The following GABRA2 variants were observed in gnomAD, a reference collection of about 807,000 sequenced individuals.
The protein encoded by GABRA2 is gamma-aminobutyric acid type A receptor subunit alpha2.
GABRA2 carries 16 observed loss-of-function variants against 48.7 expected under a neutral mutation model. The observed-to-expected ratio is 0.33, with a 90% CI of 0.22 to 0.50. GABRA2 has a LOEUF of 0.50. GABRA2 is among the 20% of genes least tolerant of loss of function. The probability of loss-of-function intolerance (pLI) is 0.98; values close to 1 mark genes in which losing one functional copy is unlikely to be tolerated. For missense variants in GABRA2, 275 were observed against 535.6 expected, an observed-to-expected ratio of 0.51 and a Z score of 4.80; for synonymous variants, 185 against 184.5, an observed-to-expected ratio of 1.00 and a Z score of -0.02.
intron 8 of GABRA2, among the ~76,000 whole-genome samples, chr4:46,289,917 T>A (rs185953518): frequency 0.014 from 1,994 of 144,688 alleles, 16 homozygotes; most frequent in Non-Finnish European, 0.02. Flanking sequence ...ATTTTTATTT[T>A]TTTTTTTTTT....
intron 9 of GABRA2, among the ~76,000 whole-genome samples, chr4:46,255,252 T>C (rs1189270643): frequency 6.8e-6 from 1 of 147,690 alleles, no homozygotes; most frequent in African/African-American, 2.5e-5. Flanking sequence ...ACGCTTACTA[T>C]GATAAAAATG....
intron 3 of GABRA2, among the ~76,000 whole-genome samples, chr4:46,374,779 C>G (rs911871179): frequency 6.6e-6 from 1 of 151,754 alleles, no homozygotes; most frequent in South Asian, 2.1e-4. Context: ...CGTTTTAAAT[C>G]AAATTATTAA....
chr4:46,389,637 G>T (rs960952227), intron 1 of GABRA2, 98 bp downstream of exon 1: 10 of 707,654 alleles, frequency 1.4e-5, no homozygotes, highest in Non-Finnish European at 1.7e-5. Context: ...CCGTTTCCAG[G>T]GAGCCTCTGA....
At chr4:46,375,874 TAGTA>T (rs1199127791) in intron 3 of GABRA2, among the ~76,000 whole-genome samples, 3 of 152,182 alleles carry the variant, frequency 2.0e-5, no homozygotes, top group African/African-American at 7.2e-5. Context: ...CCTAAGCCCT[TAGTA>T]AGAAACAGTT....
At chr4:46,372,380 T>G (rs1368273214) in intron 3 of GABRA2, among the ~76,000 whole-genome samples, 1 of 152,120 alleles carries the variant, frequency 6.6e-6, no homozygotes, top group Non-Finnish European at 1.5e-5. Context: ...TTCCACTCCT[T>G]CCTTTTGTTC....
intron 8 of GABRA2, among the ~76,000 whole-genome samples, chr4:46,273,232 CTTG>C (rs775859275): frequency 2.6e-5 from 4 of 151,504 alleles, no homozygotes; most frequent in African/African-American, 9.7e-5. Context: ...AGGCGTGATT[CTTG>C]TTGTTGTTTT....
Position 46,332,654 on chromosome 4 carries a change from G to T in GABRA2, c.216C>A (p.Ile72=), listed in dbSNP as rs1270027326. Residue 72 remains isoleucine, a synonymous_variant, in exon 4 of 10, where the codon ATC becomes ATA. Coordinates refer to ENST00000381620, the MANE Select transcript of GABRA2 (RefSeq NM_000807.4). ...AGACAGGGCCAAAACTGGTCACGTAGATGTTAGTGAAGACTTCAGTAATAC... is the reference window on the plus strand; with the variant it reads ...AGACAGGGCCAAAACTGGTCACGTATATGTTAGTGAAGACTTCAGTAATAC... ...GDSITEVFTN[I]YVTSFGPVSD... The T allele has an allele frequency of 1.3e-6, 2 of 1,595,204 alleles. No individual in the cohort carries two copies. Among genetic ancestry groups the T allele is most frequent in the Non-Finnish European group, 1.7e-6 (2 of 1,163,176 alleles).
intron 3 of GABRA2, among the ~76,000 whole-genome samples, chr4:46,348,093 C>T (rs898549792): frequency 2.6e-5 from 4 of 152,022 alleles, no homozygotes; most frequent in Non-Finnish European, 4.4e-5. Flanking sequence ...AAACAAACAA[C>T]CCCATCAAAA....
rs568813512 is a variant in GABRA2 at position 46,263,582 on chromosome 4, G to C, written c.857-1454C>G. On this transcript the variant is annotated intron_variant, in intron 8 of 9. Coordinates refer to ENST00000381620, the MANE Select transcript of GABRA2 (RefSeq NM_000807.4). The stretch of plus-strand genomic sequence containing the variant: ...TCTGTACTCCAAATTTTATACCCTT[G>C]ATATACATATCTATCCTTAGTCAAG... 3.9e-5 allele frequency among the ~76,000 whole-genome samples: 6 copies of C among 152,138 alleles called. No homozygotes were observed. The South Asian group carries it at 1.0e-3, about 26-fold the overall frequency.
intron 8 of GABRA2, among the ~76,000 whole-genome samples, chr4:46,284,772 T>C (rs1722204340): frequency 6.6e-6 from 1 of 152,050 alleles, no homozygotes; most frequent in South Asian, 2.1e-4. Flanking sequence ...ATCTGTCTTC[T>C]AGAGCATATT....
rs539208097 is a variant in GABRA2, at chr4:46,277,268, A to C, written c.857-15140T>G. On this transcript the variant is annotated intron_variant, in intron 8 of 9. Transcript: ENST00000381620. ...CACTTTCCTAATTGGCAGTGAGCTA[A>C]CTGGGATGAGACTCTGACAACAGCA... Among the ~76,000 whole-genome samples the C allele has an allele frequency of 3.9e-5, 6 of 152,154 alleles. No individual in the cohort carries two copies. In the South Asian group the frequency reaches 1.0e-3, roughly 26 times the overall value.
chr4:46,389,975 A>T lies in GABRA2; in HGVS notation c.-251T>A. On this transcript the variant is annotated 5_prime_UTR_variant, in exon 1 of 10. Coordinates refer to ENST00000381620, the MANE Select transcript of GABRA2 (RefSeq NM_000807.4). ...TGTAGAAGGAGGCGAAGGCGTTCGT[A>T]GTGGCGGTGATGGGCGGAGGAGGAG... is the stretch of plus-strand genomic sequence containing the variant. 1 of 980,270 alleles carries T rather than the reference A, an allele frequency of 1.0e-6. No individual in the cohort carries two copies. The highest frequency in any genetic ancestry group is 1.2e-6 in the Non-Finnish European group (1 of 830,314). The allele number at this position is 980,270 out of a possible 1,614,324, so 60.7% of individuals were successfully genotyped here. A position where few individuals can be genotyped will look rare whatever the true frequency, so the allele number is the denominator to read the frequency against.
In GABRA2 at chr4:46,252,611, G is replaced by A. The variant is rs549664839; in HGVS notation, c.1060-2007C>T. On this transcript the variant is annotated intron_variant, in intron 9 of 9. Transcript: ENST00000381620. ...TCTGCTTTTAAACACCATGCCATAT[G>A]ATTTTTGGTCTGAGGAAGCTGTTTG... Among the ~76,000 whole-genome samples the A allele has an allele frequency of 1.5e-4, 22 of 151,594 alleles. No homozygotes were observed. In the South Asian group the frequency reaches 3.5e-3, roughly 24 times the overall value.
rs536459997 is a variant in GABRA2, at chr4:46,293,475, C to T, written c.856+9985G>A. Among the ~76,000 whole-genome samples, 15 of 152,298 alleles carry T rather than the reference C, an allele frequency of 9.8e-5. No homozygotes were observed. The East Asian group carries it at 2.7e-3, about 27-fold the overall frequency. ...GACGTTGATTCCAGAGGATCCAAAA[C>T]GTCACTGTGGTCCTCCAGATAAAGT... On this transcript the variant is annotated intron_variant, in intron 8 of 9. Coordinates refer to ENST00000381620, the MANE Select transcript of GABRA2 (RefSeq NM_000807.4).
At chr4:46,368,972 C>T (rs777232254) in intron 3 of GABRA2, 2 of 699,868 alleles carry the variant, frequency 2.9e-6, no homozygotes, top group African/African-American at 1.8e-5. Context: ...CTCTTGAAGG[C>T]TATGTTACAC....
At chr4:46,355,724 G>T (rs1219068182) in intron 3 of GABRA2, among the ~76,000 whole-genome samples, 1 of 152,080 alleles carries the variant, frequency 6.6e-6, no homozygotes, top group Non-Finnish European at 1.5e-5. Context: ...ATCAGAGCTG[G>T]AGGAAAATAC....
At position 46,245,224 on chromosome 4, in the gene GABRA2, A is replaced by T. The variant is rs1381290516; in HGVS notation, c.*5084T>A. Among the ~76,000 whole-genome samples the T allele has an allele frequency of 2.6e-5, 4 of 151,196 alleles. No individual in the cohort carries two copies. The highest frequency in any genetic ancestry group is 5.9e-5 in the Non-Finnish European group (4 of 67,422). On this transcript the variant is annotated 3_prime_UTR_variant, in exon 10 of 10. Coordinates refer to ENST00000381620, the MANE Select transcript of GABRA2 (RefSeq NM_000807.4). ...GACTAGTATGTGATGGGCTCTCTGT[A>T]AGAATTATACTCTGAATCATTCCAA...
rs1733583250 is a variant in GABRA2, at chr4:46,343,169, C to T, written c.188-10487G>A. On this transcript the variant is annotated intron_variant, in intron 3 of 9. Transcript: ENST00000381620. Reference sequence around the variant, plus strand: ...CCTTACCTTGCCCTGTTTTTCCCCACTTTTTCCACAATAACATTAATTTTC... The same window carrying T: ...CCTTACCTTGCCCTGTTTTTCCCCATTTTTTCCACAATAACATTAATTTTC... Among the ~76,000 whole-genome samples the T allele has an allele frequency of 2.6e-5, 4 of 152,066 alleles. No homozygotes were observed. In the South Asian group the frequency reaches 8.3e-4, roughly 31 times the overall value.
intron 8 of GABRA2, among the ~76,000 whole-genome samples, chr4:46,298,459 G>A (rs1331830849): frequency 1.3e-5 from 2 of 152,016 alleles, no homozygotes; most frequent in Admixed American, 6.6e-5. Flanking sequence ...TAGTGGAAAT[G>A]CATTTGATGA....
Sources: allele counts gnomAD v4.1 joint callset (sites outside exome capture counted in the v4.1 genomes callset), GRCh38; gene constraint gnomAD v4.1.1; transcripts MANE v1.5; gene names NCBI Gene and HGNC (gene_info 2026-07-23, HGNC 2026-07-21).